RBMS3: variants seen among roughly 807,000 people sequenced by gnomAD.
RBMS3 encodes the protein RNA-binding motif, single-stranded-interacting protein 3.
A neutral mutation model predicts 66.8 loss-of-function variants in RBMS3; 27 were observed. That is an observed-to-expected ratio of 0.40 (90% CI 0.30 to 0.56). The LOEUF (loss-of-function observed/expected upper bound fraction) is 0.56. Ranked by LOEUF, RBMS3 falls within the 20% of genes least tolerant of loss-of-function variation. RBMS3 has a pLI of 0.40. For missense variants in RBMS3, 513 were observed against 549.5 expected (o/e 0.93, Z 0.66); for synonymous variants, 188 against 183.0 (o/e 1.03, Z -0.22).
chr3:29,624,597 A>G (rs2048989768), intron 4 of RBMS3, among the ~76,000 whole-genome samples: 1 of 152,196 alleles, frequency 6.6e-6, no homozygotes, highest in Non-Finnish European at 1.5e-5. Context: ...AGAAGGCAGT[A>G]AGAGAAAAGA....
At chr3:29,602,587 A>G (rs550165311) in intron 4 of RBMS3, among the ~76,000 whole-genome samples, 7 of 152,170 alleles carry the variant, frequency 4.6e-5, no homozygotes, top group African/African-American at 1.7e-4. Context: ...TTGTATATCC[A>G]GAAAGTAAAG....
At chr3:29,537,259 G>A (rs1187757839) in intron 3 of RBMS3, among the ~76,000 whole-genome samples, 5 of 152,136 alleles carry the variant, frequency 3.3e-5, no homozygotes, top group African/African-American at 1.2e-4. Flanking sequence ...AATTTGAAAT[G>A]GTTTGTCAGG....
intron 4 of RBMS3, among the ~76,000 whole-genome samples, chr3:29,650,498 G>T (rs534525605): frequency 8.3e-4 from 126 of 152,010 alleles, no homozygotes; most frequent in Non-Finnish European, 1.6e-3. Context: ...TCATTTTGTG[G>T]CCCATGTAGG....
At position 29,391,329 on chromosome 3, in the gene RBMS3, A is replaced by T. The variant is rs1575689944; in HGVS notation, c.76-43414A>T. The T allele has an allele frequency of 2.6e-5, 4 of 152,786 alleles. No homozygotes were observed. In the South Asian group the frequency reaches 8.3e-4, roughly 32 times the overall value. The allele number at this position is 152,786 out of a possible 1,614,324, so 9.5% of individuals were successfully genotyped here. The stretch of plus-strand genomic sequence containing the variant: ...TGAAATATTTGAAGAAATTCTGAGA[A>T]AGAAAAGAAATGAAAGACAAACTTG... On this transcript the variant is annotated intron_variant, in intron 1 of 14. Transcript: ENST00000383767.
intron 10 of RBMS3, among the ~76,000 whole-genome samples, chr3:29,908,850 CATT>C (rs1459564640): frequency 1.3e-5 from 2 of 151,858 alleles, no homozygotes; most frequent in Non-Finnish European, 2.9e-5. Flanking sequence ...TGTAGAAAAA[CATT>C]ATATGCTCAG....
intron 4 of RBMS3, among the ~76,000 whole-genome samples, chr3:29,677,756 A>G (rs1559560619): frequency 6.6e-6 from 1 of 152,088 alleles, no homozygotes; most frequent in Non-Finnish European, 1.5e-5. Flanking sequence ...CAGGCAGTCT[A>G]GGACTATTTT....
rs921836849 is a variant in RBMS3 at position 29,825,146 on chromosome 3, C to T, written c.638-43712C>T. On this transcript the variant is annotated intron_variant, in intron 6 of 14. Coordinates refer to ENST00000383767, the MANE Select transcript of RBMS3 (RefSeq NM_001003793.3). ...TACCTCGCAGCTTCAAGCAATTCTC[C>T]TGCCTCAGCCTCCCAAGTAGCTGGG... 3.9e-5 allele frequency among the ~76,000 whole-genome samples: 6 copies of T among 151,994 alleles called. No individual in the cohort carries two copies. In the East Asian group the frequency reaches 1.2e-3, roughly 30 times the overall value.
chr3:29,902,782 C>A (rs986735418), intron 10 of RBMS3, among the ~76,000 whole-genome samples: 1 of 151,906 alleles, frequency 6.6e-6, no homozygotes, highest in African/African-American at 2.4e-5. Context: ...TACACTGATT[C>A]CTGAGTTGGA....
chr3:29,421,117 GA>G (rs142393315), intron 1 of RBMS3, among the ~76,000 whole-genome samples: 26,307 of 137,320 alleles, frequency 0.19, 2,611 homozygotes, highest in East Asian at 0.36. Flanking sequence ...TGTCCCTAAA[GA>G]AAAAAAAAAA....
At chr3:29,632,845 C>T (rs936713451) in intron 4 of RBMS3, among the ~76,000 whole-genome samples, 1 of 151,856 alleles carries the variant, frequency 6.6e-6, no homozygotes, top group Non-Finnish European at 1.5e-5. Flanking sequence ...CCTGCAGATC[C>T]TTCCTCTGCT....
At chr3:29,367,104 A>G (rs1263678935) in intron 1 of RBMS3, among the ~76,000 whole-genome samples, 2 of 152,144 alleles carry the variant, frequency 1.3e-5, no homozygotes, top group Non-Finnish European at 2.9e-5. Flanking sequence ...TCTGAGTTGA[A>G]TATACAGTAT....
At chr3:29,404,025 C>T (rs936956653) in intron 1 of RBMS3, among the ~76,000 whole-genome samples, 6 of 152,068 alleles carry the variant, frequency 3.9e-5, no homozygotes, top group Admixed American at 2.0e-4. Flanking sequence ...ATATTCTGTA[C>T]AGACACCAGT....
intron 1 of RBMS3, among the ~76,000 whole-genome samples, chr3:29,342,793 G>T (rs887962787): frequency 1.4e-4 from 21 of 152,028 alleles, no homozygotes; most frequent in African/African-American, 4.6e-4. Flanking sequence ...TAGTTCATTT[G>T]TTTGAGAAAG....
intron 3 of RBMS3, among the ~76,000 whole-genome samples, chr3:29,492,755 A>C (rs1279348784): frequency 6.6e-6 from 1 of 152,222 alleles, no homozygotes; most frequent in African/African-American, 2.4e-5. Flanking sequence ...CAAACTTGAG[A>C]GGGCTACAAA....
At chr3:29,918,771 G>A (rs903340264) in intron 10 of RBMS3, among the ~76,000 whole-genome samples, 1 of 151,926 alleles carries the variant, frequency 6.6e-6, no homozygotes, top group South Asian at 2.1e-4. Flanking sequence ...TATTGTTGCA[G>A]CATATAATTA....
At chr3:29,307,738 A>C (rs1241619628) in intron 1 of RBMS3, among the ~76,000 whole-genome samples, 1 of 151,934 alleles carries the variant, frequency 6.6e-6, no homozygotes, top group Non-Finnish European at 1.5e-5. Flanking sequence ...ACAATAATCC[A>C]AAGGTAGTTT....
chr3:29,884,347 C>A, intron 8 of RBMS3, 139 bp downstream of exon 8: 2 of 678,338 alleles, frequency 2.9e-6, no homozygotes, highest in African/African-American at 1.9e-5. Context: ...CATTTTTCAT[C>A]ATTATAGTTT....
intron 6 of RBMS3, among the ~76,000 whole-genome samples, chr3:29,851,860 C>G (rs1051017690): frequency 6.6e-6 from 1 of 152,124 alleles, no homozygotes; most frequent in Non-Finnish European, 1.5e-5. Flanking sequence ...TAAAAAAGAA[C>G]ACGAATAGCC....
intron 4 of RBMS3, 132 bp downstream of exon 4, chr3:29,587,337 G>C: frequency 1.9e-6 from 1 of 531,220 alleles, no homozygotes; most frequent in Non-Finnish European, 2.9e-6. Context: ...TTTCTCCTTT[G>C]CTCTGAGCTC....
Sources: gnomAD v4.1 joint callset for allele counts (sites outside exome capture counted in the v4.1 genomes callset) on GRCh38, gnomAD v4.1.1 for gene constraint, MANE v1.5 for transcripts, NCBI Gene and HGNC (gene_info 2026-07-23, HGNC 2026-07-21) for gene names.